OTOGL: variants seen among roughly 807,000 people sequenced by gnomAD.
OTOGL encodes the protein otogelin-like protein.
In OTOGL, 285 loss-of-function variants were observed where a neutral mutation model predicts 318.5. That is an observed-to-expected ratio of 0.89 (90% CI 0.81 to 0.99). The LOEUF (loss-of-function observed/expected upper bound fraction) is 0.99. Ranked by LOEUF, OTOGL falls within the 50% of genes least tolerant of loss-of-function variation. OTOGL has a pLI of 0.00. For missense variants in OTOGL, 2,899 were observed against 2,845.6 expected, an observed-to-expected ratio of 1.02 and a Z score of -0.43; for synonymous variants, 987 against 936.5, an observed-to-expected ratio of 1.05 and a Z score of -0.99.
At chr12:80,178,522 G>A (rs1212779983) in intron 1 of OTOGL, among the ~76,000 whole-genome samples, 2 of 152,058 alleles carry the variant, frequency 1.3e-5, no homozygotes, top group Non-Finnish European at 2.9e-5. Context: ...ATAAACTCTA[G>A]ATGCCTTGGC....
At chr12:80,203,264 G>A (rs376237708) in intron 1 of OTOGL, among the ~76,000 whole-genome samples, 6 of 152,086 alleles carry the variant, frequency 3.9e-5, no homozygotes, top group African/African-American at 1.4e-4. Context: ...TGGAGAATCT[G>A]TTTTTGCCTT....
rs1019410166 is a variant in OTOGL at position 80,159,317 on chromosome 12, G to A, written c.-19-50096G>A. Among the ~76,000 whole-genome samples, 10 of 152,048 alleles carry A rather than the reference G, an allele frequency of 6.6e-5. No homozygotes were observed. In the East Asian group the frequency reaches 9.6e-4, roughly 15 times the overall value. ...TTGATTTTTTGTTATGTCCTTTGCT[G>A]GTTTAGATATTAGAGTGATACTGGC... On this transcript the variant is annotated intron_variant, in intron 1 of 58. Coordinates refer to ENST00000547103, the MANE Select transcript of OTOGL (RefSeq NM_001378609.3).
At chr12:80,297,451 C>G (rs1225122424) in intron 27 of OTOGL, among the ~76,000 whole-genome samples, 1 of 151,828 alleles carries the variant, frequency 6.6e-6, no homozygotes, top group Non-Finnish European at 1.5e-5. Flanking sequence ...CTTGCCTCAG[C>G]CTCCTGAGTA....
intron 1 of OTOGL, among the ~76,000 whole-genome samples, chr12:80,117,374 A>T (rs1223157292): frequency 6.6e-6 from 1 of 152,142 alleles, no homozygotes; most frequent in African/African-American, 2.4e-5. Flanking sequence ...AATTCATTTA[A>T]GTTAGAGACC....
intron 29 of OTOGL, among the ~76,000 whole-genome samples, chr12:80,307,513 C>T (rs1261211477): frequency 6.8e-5 from 10 of 147,778 alleles, no homozygotes; most frequent in East Asian, 2.1e-4. Context: ...TAGGGGCGGC[C>T]GGGCGGAGGC....
In OTOGL at chr12:80,336,511, G is replaced by T; in HGVS notation, c.4699G>T (p.Gly1567Cys). 2 of 1,609,686 alleles carry T rather than the reference G, an allele frequency of 1.2e-6. No homozygotes were observed. The highest frequency in any genetic ancestry group is 2.2e-5 in the South Asian group (2 of 90,660). The change falls in exon 40 of 59, where the codon GGT (glycine) becomes TGT (cysteine). Residue 1567 changes from glycine (G) to cysteine (C), a missense_variant. Physicochemically the swap from Gly to Cys is radical, Grantham distance 159. Transcript: ENST00000547103. ...TTCTTATATCTTAGTAAGAATTCCTGGTGAAATTATAGTTGCTCATATCGA... is the reference window on the plus strand; with the variant it reads ...TTCTTATATCTTAGTAAGAATTCCTTGTGAAATTATAGTTGCTCATATCGA... The part of the protein sequence containing the change: ...MASYILVRIP[G>C]EIIVAHIEKC...
intron 1 of OTOGL, among the ~76,000 whole-genome samples, chr12:80,180,098 C>A (rs56111944): frequency 6.6e-6 from 1 of 152,020 alleles, no homozygotes; most frequent in South Asian, 2.1e-4. Flanking sequence ...CCACGATGAA[C>A]CTGCAGATTG....
In OTOGL at chr12:80,185,305, A is replaced by G. The variant is rs189311508; in HGVS notation, c.-19-24108A>G. On this transcript the variant is annotated intron_variant, in intron 1 of 58. Transcript: ENST00000547103. ...TTATAAATTAATTTTTTTTTTGAGA[A>G]GGAGTCTCCCTCTGTTGCCCAGTCT... Among the ~76,000 whole-genome samples the G allele has an allele frequency of 1.5e-4, 23 of 152,110 alleles. No individual in the cohort carries two copies. The East Asian group carries it at 4.5e-3, about 29-fold the overall frequency.
chr12:80,278,949 C>T (rs1884006700), intron 25 of OTOGL, 79 bp from the exon 26 acceptor site: 2 of 1,469,826 alleles, frequency 1.4e-6, no homozygotes, highest in Non-Finnish European at 9.3e-7. Flanking sequence ...TGAATACAGA[C>T]ATTCCAATGT....
At chr12:80,288,846 A>G (rs1027001982) in intron 26 of OTOGL, among the ~76,000 whole-genome samples, 4 of 151,656 alleles carry the variant, frequency 2.6e-5, no homozygotes, top group Non-Finnish European at 4.4e-5. Context: ...GTTAGAACAT[A>G]CTCTTTTAGC....
rs1452024021 is a variant in OTOGL, at chr12:80,342,014, A to G, written c.5117A>G (p.Glu1706Gly). 7 of 1,608,800 alleles carry G rather than the reference A, an allele frequency of 4.4e-6. No individual in the cohort carries two copies. Among genetic ancestry groups the G allele is most frequent in the Non-Finnish European group, 5.9e-6 (7 of 1,176,964 alleles). ...MQNGTIITNM[E>G]DIGLFIESWE... is the part of the protein sequence containing the mutation. Reference sequence around the variant, plus strand: ...AATGGCACAATTATTACAAATATGGAAGACATAGGATTATTTATTGAGAGC... The same window carrying G: ...AATGGCACAATTATTACAAATATGGGAGACATAGGATTATTTATTGAGAGC... Residue 1706 changes from glutamate (E) to glycine (G), a missense_variant, in exon 44 of 59, where the codon GAA (glutamate) becomes GGA (glycine). Transcript: ENST00000547103.
intron 1 of OTOGL, among the ~76,000 whole-genome samples, chr12:80,176,425 C>T (rs1874531745): frequency 2.0e-5 from 3 of 152,126 alleles, no homozygotes; most frequent in Admixed American, 1.3e-4. Context: ...ATTCCTCCTC[C>T]CTAGGCAACC....
chr12:80,198,605 T>TAAC (rs1376888895), intron 1 of OTOGL, among the ~76,000 whole-genome samples: 1 of 151,974 alleles, frequency 6.6e-6, no homozygotes, highest in South Asian at 2.1e-4. Context: ...ATAATAATAA[T>TAAC]AACAACCTGT....
At chr12:80,302,566 A>T (rs758954756) in intron 27 of OTOGL, 68 bp from the exon 28 acceptor site, 50 of 1,039,134 alleles carry the variant, frequency 4.8e-5, no homozygotes, top group Non-Finnish European at 5.7e-5. Flanking sequence ...TGTTAACTAA[A>T]CTAATTTGAT....
chr12:80,287,127 T>C (rs1180711161), intron 26 of OTOGL, among the ~76,000 whole-genome samples: 3 of 151,238 alleles, frequency 2.0e-5, no homozygotes, highest in Non-Finnish European at 4.4e-5. Flanking sequence ...AAAGAACTTA[T>C]TTATTTCTGT....
At chr12:80,280,444 C>T (rs561084579) in intron 26 of OTOGL, among the ~76,000 whole-genome samples, 220 of 137,618 alleles carry the variant, frequency 1.6e-3, no homozygotes, top group African/African-American at 5.0e-3. Flanking sequence ...ACTTTTAAGT[C>T]TTTAATCCAT....
intron 7 of OTOGL, 94 bp from the exon 8 acceptor site, chr12:80,229,163 A>C (rs1470855469): frequency 7.2e-7 from 1 of 1,389,680 alleles, no homozygotes; most frequent in South Asian, 1.3e-5. Context: ...CATGGGACTA[A>C]TGAAACTATA....
At chr12:80,329,258 C>A in intron 37 of OTOGL, 139 bp downstream of exon 37, 1 of 638,932 alleles carries the variant, frequency 1.6e-6, no homozygotes, top group Non-Finnish European at 2.5e-6. Flanking sequence ...ACTTTTGCTT[C>A]ATTAAGCTTG....
intron 7 of OTOGL, among the ~76,000 whole-genome samples, chr12:80,224,612 C>A (rs898484291): frequency 1.3e-5 from 2 of 151,966 alleles, no homozygotes; most frequent in African/African-American, 4.8e-5. Context: ...TTGTAGTTTT[C>A]CTTGTAGAGG....
Sources: gnomAD v4.1 joint callset for allele counts (sites outside exome capture counted in the v4.1 genomes callset) on GRCh38, gnomAD v4.1.1 for gene constraint, MANE v1.5 for transcripts, NCBI Gene and HGNC (gene_info 2026-07-23, HGNC 2026-07-21) for gene names.